Variants in IPO8 observed in about 807,000 individuals in gnomAD.
The protein encoded by IPO8 is importin-8.
Under a neutral mutation model 141.2 loss-of-function variants are expected in IPO8, and 65 were observed. That is an observed-to-expected ratio of 0.46 (90% CI 0.38 to 0.57). The LOEUF is 0.57. IPO8 is among the 20% of genes least tolerant of loss of function. The probability of loss-of-function intolerance (pLI) is 0.00; values close to 1 mark genes in which losing one functional copy is unlikely to be tolerated. For synonymous variants in IPO8, 411 were observed against 420.3 expected, an observed-to-expected ratio of 0.98 and a Z score of 0.27; for missense variants, 980 against 1,246.8, an observed-to-expected ratio of 0.79 and a Z score of 3.22.
intron 20 of IPO8, among the ~76,000 whole-genome samples, chr12:30,641,319 T>A (rs1355315130): frequency 2.0e-5 from 3 of 152,122 alleles, no homozygotes; most frequent in Non-Finnish European, 4.4e-5. Context: ...TTTGTTTTTG[T>A]TTTGTTTTTT....
In IPO8 at chr12:30,634,230, TTGAC is replaced by T; in HGVS notation, c.2748_2751del (p.Ser917IlefsTer48). Reference sequence around the variant, plus strand: ...TCCTCATCTTCACCTCTTCCATTATTTGACTGCATTGCTTGAGCAGTTACATTTG... The same window carrying T: ...TCCTCATCTTCACCTCTTCCATTATTTGCATTGCTTGAGCAGTTACATTTG... On this transcript the variant is annotated frameshift_variant, in exon 23 of 25. Coordinates refer to ENST00000256079, the MANE Select transcript of IPO8 (RefSeq NM_006390.4). LOFTEE classifies it high-confidence loss of function. 1 of 1,614,012 alleles carries T rather than the reference TTGAC, an allele frequency of 6.2e-7. No homozygotes were observed. Among genetic ancestry groups the T allele is most frequent in the Non-Finnish European group, 8.5e-7 (1 of 1,179,898 alleles).
rs944198028 is a variant in IPO8, at chr12:30,690,573, T to C, written c.89A>G (p.Tyr30Cys). Residue 30 changes from tyrosine to cysteine, a missense_variant, in exon 2 of 25, where the codon TAC becomes TGC. Physicochemically the swap from Tyr to Cys is radical, Grantham distance 194. Around this residue, in one of 3 missense-constraint regions of IPO8, gnomAD observed 40 missense variants for 46.3 expected, o/e 0.86. Coordinates refer to ENST00000256079, the MANE Select transcript of IPO8 (RefSeq NM_006390.4). ...ACTGGGGGCAAAATTGATAATCTTG[T>C]AGGACTGAAATTACAAAGAAATGTT... ...IAAENELNQS[Y>C]KIINFAPSLL... 1.9e-6 allele frequency: 3 copies of C among 1,556,530 alleles called. No individual in the cohort carries two copies. Among genetic ancestry groups the C allele is most frequent in the Non-Finnish European group, 2.6e-6 (3 of 1,141,572 alleles).
At chr12:30,656,320 G>A (rs1591830495) in intron 17 of IPO8, among the ~76,000 whole-genome samples, 2 of 152,268 alleles carry the variant, frequency 1.3e-5, no homozygotes, top group East Asian at 3.9e-4. Flanking sequence ...TTACAGGTGT[G>A]AGCCACGGTG....
At chr12:30,660,654 T>C (rs960085047) in intron 16 of IPO8, among the ~76,000 whole-genome samples, 29 of 152,234 alleles carry the variant, frequency 1.9e-4, no homozygotes, top group African/African-American at 7.0e-4. Flanking sequence ...TGGAATTCAG[T>C]TGAGTAAATA....
At chr12:30,635,338 A>G (rs2052487104) in intron 22 of IPO8, among the ~76,000 whole-genome samples, 1 of 152,096 alleles carries the variant, frequency 6.6e-6, no homozygotes, top group Non-Finnish European at 1.5e-5. Flanking sequence ...CACCATTAAA[A>G]AGGGTATTTA....
In IPO8 at chr12:30,665,762, A is replaced by G. The variant is rs754939174; in HGVS notation, c.1305T>C (p.His435=). 6.2e-7 allele frequency: 1 copy of G among 1,612,386 alleles called. No homozygotes were observed. The highest frequency in any genetic ancestry group is 1.1e-5 in the South Asian group (1 of 91,028). Residue 435 remains histidine, a synonymous_variant, in exon 12 of 25, where the codon CAT becomes CAC. Transcript: ENST00000256079. ...FDPRKKDGAL[H]VIGSLAEILL... is the part of the protein sequence containing the mutation. Reference sequence around the variant, plus strand: ...AAATCTCAGCTAGGGAACCAATCACATGCAGGGCTCCATCTTTCTTCCTAG... The same window carrying G: ...AAATCTCAGCTAGGGAACCAATCACGTGCAGGGCTCCATCTTTCTTCCTAG...
chr12:30,695,001 G>C lies in IPO8; in HGVS notation c.84+563C>G, dbSNP rs1319632107. 2.2e-6 allele frequency: 1 copy of C among 456,096 alleles called. No homozygotes were observed. The highest frequency in any genetic ancestry group is 7.0e-5 in the East Asian group (1 of 14,380). 28.3% of individuals were successfully genotyped at this position (456,096 alleles called of 1,614,324 possible). The stretch of plus-strand genomic sequence containing the variant: ...ACTTTGATGTGTCTTAGATAAAGCA[G>C]TATCACCATGAAAACTGCCTATTCT... On this transcript the variant is annotated intron_variant, in intron 1 of 24. Coordinates refer to ENST00000256079, the MANE Select transcript of IPO8 (RefSeq NM_006390.4). This position sits in a 1 kb window ranked among gnomAD's most constrained non-coding sequence, Gnocchi z 4.2.
intron 12 of IPO8, 103 bp downstream of exon 12, chr12:30,665,626 C>A: frequency 1.4e-6 from 1 of 721,780 alleles, no homozygotes; most frequent in Non-Finnish European, 2.4e-6. Context: ...ACTCAATTAT[C>A]CAGAGGTAGT....
At chr12:30,633,981 A>T (rs2052467720) in intron 23 of IPO8, 102 bp downstream of exon 23, 10 of 1,046,980 alleles carry the variant, frequency 9.6e-6, no homozygotes, top group East Asian at 5.2e-5. Flanking sequence ...AAAAATTTTT[A>T]AAAGAACCTA....
intron 1 of IPO8, among the ~76,000 whole-genome samples, chr12:30,692,078 GTAT>G (rs1455142152): frequency 2.6e-5 from 4 of 152,110 alleles, no homozygotes; most frequent in African/African-American, 7.2e-5. Context: ...TTCTACATAT[GTAT>G]TATAACTCAT....
chr12:30,672,426 G>C (rs1345600791), intron 8 of IPO8, among the ~76,000 whole-genome samples: 1 of 152,148 alleles, frequency 6.6e-6, no homozygotes, highest in African/African-American at 2.4e-5. Context: ...GGGGTGATGG[G>C]AGATGGGAAA....
At chr12:30,685,900 C>CAA (rs397849869) in intron 2 of IPO8, among the ~76,000 whole-genome samples, 26 of 87,986 alleles carry the variant, frequency 3.0e-4, no homozygotes, top group East Asian at 9.4e-4. Flanking sequence ...AAGACTCTGT[C>CAA]AAAAAAAAAA....
intron 16 of IPO8, among the ~76,000 whole-genome samples, chr12:30,657,303 T>C (rs1218081718): frequency 2.6e-5 from 4 of 152,240 alleles, no homozygotes; most frequent in African/African-American, 9.6e-5. Flanking sequence ...TCTTTGCCTG[T>C]GTTTATAAAA....
At chr12:30,663,726 G>A in intron 13 of IPO8, 72 bp from the exon 14 acceptor site, 1 of 1,137,324 alleles carries the variant, frequency 8.8e-7, no homozygotes, top group Non-Finnish European at 1.2e-6. Context: ...ACAGATATAA[G>A]AACTTCTTAG....
At chr12:30,693,721 C>G (rs1332536137) in intron 1 of IPO8, among the ~76,000 whole-genome samples, 1 of 152,178 alleles carries the variant, frequency 6.6e-6, no homozygotes. Flanking sequence ...AAGCATTTCA[C>G]TATGCTTTAT....
At chr12:30,642,863 T>C (rs2052593640) in intron 20 of IPO8, among the ~76,000 whole-genome samples, 1 of 151,850 alleles carries the variant, frequency 6.6e-6, no homozygotes, top group African/African-American at 2.4e-5. Flanking sequence ...ATAAGACAAA[T>C]TCAAGAGGCT....
chr12:30,674,888 C>A (rs1380623543), intron 6 of IPO8, 135 bp from the exon 7 acceptor site: 6 of 663,514 alleles, frequency 9.0e-6, no homozygotes, highest in African/African-American at 1.8e-5. Flanking sequence ...AATGAAAATT[C>A]TTTATAGATT....
At chr12:30,681,440 A>G (rs1416041892) in intron 4 of IPO8, among the ~76,000 whole-genome samples, 1 of 152,220 alleles carries the variant, frequency 6.6e-6, no homozygotes, top group African/African-American at 2.4e-5. Flanking sequence ...GAAGTGCTTC[A>G]TATTATATCA....
At chr12:30,656,440 C>T (rs142537738) in intron 17 of IPO8, among the ~76,000 whole-genome samples, 8 of 152,270 alleles carry the variant, frequency 5.3e-5, no homozygotes, top group Non-Finnish European at 1.0e-4. Flanking sequence ...TAGCAATGTA[C>T]AATTTAAAAT....
Sources: gnomAD v4.1 joint callset for allele counts (sites outside exome capture counted in the v4.1 genomes callset) on GRCh38, gnomAD v4.1.1 for gene constraint, gnomAD v4.1.1 regional missense constraint, Gnocchi (gnomAD v3.1) non-coding constraint, MANE v1.5 for transcripts, NCBI Gene and HGNC (gene_info 2026-07-23, HGNC 2026-07-21) for gene names.